Variants in ERBIN observed in about 807,000 individuals in gnomAD.
The protein encoded by ERBIN is erbb2 interacting protein, also known as densin-180-like protein.
In ERBIN, 60 loss-of-function variants were observed where a neutral mutation model predicts 158.4. That is an observed-to-expected ratio of 0.38 (90% CI 0.31 to 0.47). The LOEUF (loss-of-function observed/expected upper bound fraction) is 0.47, where lower values mean the gene tolerates loss of function less well. ERBIN is among the 20% of genes least tolerant of loss of function. ERBIN has a pLI of 0.99. For missense variants in ERBIN, 1,610 were observed against 1,648.0 expected, an observed-to-expected ratio of 0.98 and a Z score of 0.40; for synonymous variants, 594 against 557.2, an observed-to-expected ratio of 1.07 and a Z score of -0.93.
At chr5:66,027,325 A>G (rs1477658870) in intron 13 of ERBIN, among the ~76,000 whole-genome samples, 3 of 152,026 alleles carry the variant, frequency 2.0e-5, no homozygotes, top group African/African-American at 7.2e-5. Flanking sequence ...TTCAGCCTTT[A>G]ATTCCTACGG....
Position 66,054,930 on chromosome 5 carries a change from T to G in ERBIN, c.3612T>G (p.Ile1204Met). The G allele has an allele frequency of 6.3e-7, 1 of 1,580,126 alleles. No individual in the cohort carries two copies. Among genetic ancestry groups the G allele is most frequent in the Middle Eastern group, 1.7e-4 (1 of 5,800 alleles). Residue 1204 changes from isoleucine (I) to methionine (M), a missense_variant, in exon 21 of 26, where the codon ATT becomes ATG. Physicochemically the swap from Ile to Met is conservative, Grantham distance 10. Transcript: ENST00000284037. ...RDWREQVLRHIEAKKLEKKHP... is the reference protein window; with the variant it reads ...RDWREQVLRHMEAKKLEKKHP... ...GGAGAGAACAAGTACTTCGACATAT[T>G]GAAGCCAAAAAGTTAGAAAAGGTAA... is the stretch of plus-strand genomic sequence containing the variant.
At chr5:66,055,593 T>C (rs1344331325) in intron 21 of ERBIN, among the ~76,000 whole-genome samples, 1 of 152,122 alleles carries the variant, frequency 6.6e-6, no homozygotes, top group African/African-American at 2.4e-5. Context: ...TGAAAGGAGT[T>C]AAAAATGTAG....
At chr5:65,972,228 A>G (rs938601915) in intron 1 of ERBIN, among the ~76,000 whole-genome samples, 3 of 152,202 alleles carry the variant, frequency 2.0e-5, no homozygotes, top group Non-Finnish European at 4.4e-5. Context: ...TATTGCAGCA[A>G]AAACAAAAAT....
chr5:65,974,630 C>T (rs1032361752), intron 1 of ERBIN, among the ~76,000 whole-genome samples: 4 of 152,214 alleles, frequency 2.6e-5, no homozygotes, highest in Non-Finnish European at 4.4e-5. Flanking sequence ...TCTAGACAGA[C>T]TGCTTTTACT....
At chr5:65,944,695 C>A (rs1745520156) in intron 1 of ERBIN, among the ~76,000 whole-genome samples, 1 of 152,120 alleles carries the variant, frequency 6.6e-6, no homozygotes, top group Non-Finnish European at 1.5e-5. Flanking sequence ...GCCACTATAC[C>A]TGGCCTTATT....
rs374464333 is a variant in ERBIN, at chr5:66,076,457, C to T, written c.4056+49C>T. 51 of 1,308,612 alleles carry T rather than the reference C, an allele frequency of 3.9e-5. No individual in the cohort carries two copies. In the African/African-American group the frequency reaches 5.0e-4, roughly 13 times the overall value. 81.1% of individuals were successfully genotyped at this position (1,308,612 alleles called of 1,614,324 possible). A position where few individuals can be genotyped will look rare whatever the true frequency, so the allele number is the denominator to read the frequency against. On this transcript the variant is annotated intron_variant, in intron 24 of 25. Coordinates refer to ENST00000284037, the MANE Select transcript of ERBIN (RefSeq NM_001253697.2). ...GAAACACCTATAAAGTTTTATTTAC[C>T]GATTGAATACTTAAATGTAAGTGAA...
intron 1 of ERBIN, among the ~76,000 whole-genome samples, chr5:65,931,284 C>T (rs1045853574): frequency 2.6e-5 from 4 of 152,108 alleles, no homozygotes; most frequent in African/African-American, 9.7e-5. Context: ...TCCCAGAAGG[C>T]GTGAGAAAGG....
intron 4 of ERBIN, among the ~76,000 whole-genome samples, chr5:66,004,391 C>T (rs190860808): frequency 5.6e-4 from 85 of 151,770 alleles, no homozygotes; most frequent in South Asian, 2.5e-3. Flanking sequence ...TGTGTGTGTG[C>T]GCGCGCGTGC....
At chr5:65,957,932 T>C (rs1425288417) in intron 1 of ERBIN, among the ~76,000 whole-genome samples, 1 of 147,332 alleles carries the variant, frequency 6.8e-6, no homozygotes. Context: ...GGCTCCTCAC[T>C]TCTCAGATGG....
At chr5:65,980,365 T>C (rs1376864337) in intron 1 of ERBIN, among the ~76,000 whole-genome samples, 1 of 151,484 alleles carries the variant, frequency 6.6e-6, no homozygotes, top group Non-Finnish European at 1.5e-5. Context: ...GAGGTGGAGG[T>C]TGCAGTGAGC....
chr5:66,053,929 C>T lies in ERBIN; in HGVS notation c.2611C>T (p.His871Tyr). 1 of 1,614,054 alleles carries T rather than the reference C, an allele frequency of 6.2e-7. No homozygotes were observed. The highest frequency in any genetic ancestry group is 8.5e-7 in the Non-Finnish European group (1 of 1,179,998). ...TCCAGTTGGATCTGTTGTGAAATCT[C>T]ATAGCATAACTAATATGGAGATTGG... ...SGPVGSVVKS[H>Y]SITNMEIGGL... Residue 871 changes from histidine to tyrosine, a missense_variant, in exon 21 of 26, where the codon CAT (histidine) becomes TAT (tyrosine). Coordinates refer to ENST00000284037, the MANE Select transcript of ERBIN (RefSeq NM_001253697.2).
At chr5:66,023,410 C>T (rs376272786) in intron 9 of ERBIN, 46 bp downstream of exon 9, 2 of 1,299,350 alleles carry the variant, frequency 1.5e-6, no homozygotes, top group African/African-American at 1.5e-5. Flanking sequence ...TCTGGCTCTC[C>T]TTTGCAGTTT....
intron 4 of ERBIN, among the ~76,000 whole-genome samples, chr5:66,001,845 G>T (rs909256524): frequency 4.0e-5 from 6 of 151,686 alleles, no homozygotes; most frequent in African/African-American, 1.5e-4. Context: ...TGTGCTGAAC[G>T]TGCAGGTTTA....
At chr5:66,018,757 C>T (rs1196348954) in intron 7 of ERBIN, among the ~76,000 whole-genome samples, 5 of 147,708 alleles carry the variant, frequency 3.4e-5, no homozygotes, top group Non-Finnish European at 7.4e-5. Flanking sequence ...CTGCCTCAGC[C>T]TCCTGAGTAG....
intron 7 of ERBIN, among the ~76,000 whole-genome samples, chr5:66,015,417 A>T (rs1249088179): frequency 6.6e-6 from 1 of 152,156 alleles, no homozygotes; most frequent in Non-Finnish European, 1.5e-5. Flanking sequence ...AGCCACATAC[A>T]TTCATGTACA....
At chr5:66,061,175 A>T (rs1164413798) in intron 21 of ERBIN, among the ~76,000 whole-genome samples, 1 of 152,058 alleles carries the variant, frequency 6.6e-6, no homozygotes, top group Non-Finnish European at 1.5e-5. Context: ...ATTGTGTGGG[A>T]GCCTAAGTCT....
intron 1 of ERBIN, among the ~76,000 whole-genome samples, chr5:65,977,357 A>T (rs1285280302): frequency 6.7e-6 from 1 of 149,402 alleles, no homozygotes; most frequent in Non-Finnish European, 1.5e-5. Context: ...CTCACTTCCC[A>T]GACGGGGTGG....
intron 1 of ERBIN, among the ~76,000 whole-genome samples, chr5:65,964,501 T>C (rs1285717730): frequency 6.6e-6 from 1 of 152,226 alleles, no homozygotes; most frequent in Non-Finnish European, 1.5e-5. Context: ...AATTCTGATA[T>C]ACTCATTTGT....
chr5:66,054,210 C>T lies in ERBIN; in HGVS notation c.2892C>T (p.Gly964=). 6.2e-7 allele frequency: 1 copy of T among 1,614,050 alleles called. No individual in the cohort carries two copies. The highest frequency in any genetic ancestry group is 8.5e-7 in the Non-Finnish European group (1 of 1,180,010). ...EPNIIRGPTS[G]PQSAPQIYGP... Reference sequence around the variant, plus strand: ...ATATAATAAGAGGCCCCACAAGTGGCCCACAATCTGCACCTCAAATATATG... The same window carrying T: ...ATATAATAAGAGGCCCCACAAGTGGTCCACAATCTGCACCTCAAATATATG... The change falls in exon 21 of 26, where the codon GGC becomes GGT. Residue 964 remains glycine, a synonymous_variant. Coordinates refer to ENST00000284037, the MANE Select transcript of ERBIN (RefSeq NM_001253697.2).
Sources: allele counts gnomAD v4.1 joint callset (sites outside exome capture counted in the v4.1 genomes callset), GRCh38; gene constraint gnomAD v4.1.1; transcripts MANE v1.5; gene names NCBI Gene and HGNC (gene_info 2026-07-23, HGNC 2026-07-21).